The following ZNF676 variants were observed in gnomAD, a reference collection of about 807,000 sequenced individuals.
ZNF676 encodes zinc finger protein 676.
ZNF676 carries 4 observed loss-of-function variants against 6.0 expected under a neutral mutation model. The observed-to-expected ratio is 0.67, with a 90% CI of 0.33 to 1.53. The LOEUF (loss-of-function observed/expected upper bound fraction) is 1.53. Among genes scored for constraint, ZNF676 ranks in the 40% most tolerant of loss-of-function variants. The pLI, the probability that ZNF676 is intolerant of heterozygous loss-of-function variation, is 0.06. For missense variants in ZNF676, 644 were observed against 679.7 expected (o/e 0.95, Z 0.58); for synonymous variants, 198 against 223.1 (o/e 0.89, Z 1.00).
upstream of ZNF676, among the ~76,000 whole-genome samples, chr19:22,199,767 CAG>C (rs1276151555): frequency 2.6e-5 from 4 of 152,146 alleles, no homozygotes; most frequent in South Asian, 2.1e-4. Context: ...GAATAGAAAA[CAG>C]AACAGAAAAC....
At chr19:22,197,689 A>T (rs1410497447), upstream of ZNF676, among the ~76,000 whole-genome samples, 1 of 152,226 alleles carries the variant, frequency 6.6e-6, no homozygotes, top group Non-Finnish European at 1.5e-5. Context: ...GGCAGCTGTC[A>T]GATTAAATGT....
intron 1 of ZNF676, among the ~76,000 whole-genome samples, chr19:22,213,812 T>A (rs1324088697): frequency 6.6e-6 from 1 of 152,176 alleles, no homozygotes; most frequent in African/African-American, 2.4e-5. Context: ...GACACAGCCA[T>A]GGCCAGTATC....
chr19:22,209,116 T>C (rs1316393157), intron 1 of ZNF676, among the ~76,000 whole-genome samples: 1 of 151,838 alleles, frequency 6.6e-6, no homozygotes, highest in Non-Finnish European at 1.5e-5. Context: ...AATACAAAAA[T>C]TAGCTGAGTG....
At chr19:22,183,587 G>T (rs2023791556) in intron 2 of ZNF676, among the ~76,000 whole-genome samples, 1 of 152,170 alleles carries the variant, frequency 6.6e-6, no homozygotes. Flanking sequence ...TGATCCACCT[G>T]CCTTGGCCAC....
the ZNF676 span, among the ~76,000 whole-genome samples, chr19:22,252,385 A>T: frequency 3.3e-5 from 4 of 122,258 alleles, no homozygotes; most frequent in African/African-American, 1.1e-4. Flanking sequence ...ACAGAGTGAG[A>T]CTCTGTCTGA....
upstream of ZNF676, among the ~76,000 whole-genome samples, chr19:22,201,731 C>CAAAAAA (rs35526921): frequency 2.6e-5 from 2 of 76,214 alleles, no homozygotes; most frequent in East Asian, 5.2e-4. Context: ...TTTGTAAAGG[C>CAAAAAA]AAAAAAAAAA....
the ZNF676 span, among the ~76,000 whole-genome samples, chr19:22,231,740 C>A: frequency 6.7e-6 from 1 of 150,302 alleles, no homozygotes; most frequent in Admixed American, 6.6e-5. Context: ...GTAGCTGGGA[C>A]TACAGGCGCG....
At chr19:22,212,994 CA>C (rs1414641701) in intron 1 of ZNF676, among the ~76,000 whole-genome samples, 4 of 147,854 alleles carry the variant, frequency 2.7e-5, no homozygotes, top group African/African-American at 7.5e-5. Flanking sequence ...GACTCCATCT[CA>C]AAAAAAAAGA....
At chr19:22,251,846 G>C in the ZNF676 span, among the ~76,000 whole-genome samples, 75 of 151,322 alleles carry the variant, frequency 5.0e-4, 1 homozygote, top group South Asian at 8.8e-3. Context: ...TTGGAATCAG[G>C]TAGCAAACCC....
At chr19:22,241,090 G>A in the ZNF676 span, among the ~76,000 whole-genome samples, 2 of 151,908 alleles carry the variant, frequency 1.3e-5, no homozygotes, top group African/African-American at 4.9e-5. Flanking sequence ...GCCAAGGCAG[G>A]AGAATAGGTC....
chr19:22,181,096 A>C lies in ZNF676; in HGVS notation c.621T>G (p.Ser207Arg), dbSNP rs756933126. The change falls in exon 3 of 3, where the codon AGT becomes AGG. Residue 207 changes from serine (S) to arginine (R), a missense_variant. Ser to Arg is a moderately radical substitution (Grantham distance 110). Around this residue, in one of 5 missense-constraint regions of ZNF676, gnomAD observed 280 missense variants for 269.3 expected, o/e 1.04. Transcript: ENST00000397121. ...YKCEECGKAFSKFSILTKHKV... is the reference protein window; with the variant it reads ...YKCEECGKAFRKFSILTKHKV... The stretch of plus-strand genomic sequence containing the variant: ...TATGTTTAGTAAGGATTGAGAACTT[A>C]CTAAAGGCTTTGCCACATTCTTCAC... 1.3e-6 allele frequency: 2 copies of C among 1,595,388 alleles called. No individual in the cohort carries two copies. The highest frequency in any genetic ancestry group is 1.7e-6 in the Non-Finnish European group (2 of 1,170,862).
At chr19:22,256,628 A>G in the ZNF676 span, among the ~76,000 whole-genome samples, 1 of 152,132 alleles carries the variant, frequency 6.6e-6, no homozygotes. Flanking sequence ...GGACGCATGC[A>G]TGTGCCTCCT....
At chr19:22,202,295 C>T (rs1852426) in intron 1 of ZNF676, among the ~76,000 whole-genome samples, 64,346 of 151,806 alleles carry the variant, frequency 0.42, 14,449 homozygotes, top group African/African-American at 0.58. Flanking sequence ...AGAGGTAAAA[C>T]GGTTAATATC....
At chr19:22,192,751 ACT>A (rs1218949657) in intron 2 of ZNF676, among the ~76,000 whole-genome samples, 1 of 152,068 alleles carries the variant, frequency 6.6e-6, no homozygotes, top group Non-Finnish European at 1.5e-5. Flanking sequence ...GTCAGATTGC[ACT>A]CTCTTGTATG....
upstream of ZNF676, among the ~76,000 whole-genome samples, chr19:22,220,467 T>TTG (rs1239325708): frequency 0.014 from 1,775 of 125,024 alleles, 37 homozygotes; most frequent in African/African-American, 0.052. Flanking sequence ...GGCAGTTTTT[T>TTG]TTTTTTTTTT....
chr19:22,210,115 A>G (rs542960768), intron 1 of ZNF676, among the ~76,000 whole-genome samples: 1 of 152,222 alleles, frequency 6.6e-6, no homozygotes, highest in Non-Finnish European at 1.5e-5. Flanking sequence ...GCAGTGTGAC[A>G]GCCTGTGTAG....
Position 22,210,584 on chromosome 19 carries a change from T to C in ZNF676, c.3+5048A>G, listed in dbSNP as rs1430089825. On this transcript the variant is annotated intron_variant, in intron 1 of 3. Coordinates refer to the ZNF676 transcript ENST00000650058. ...ATGAAGCATATAGATAACAAACAGCTAGGATTAATAAAATTCTCTATCCTC... is the reference window on the plus strand; with the variant it reads ...ATGAAGCATATAGATAACAAACAGCCAGGATTAATAAAATTCTCTATCCTC... Among the ~76,000 whole-genome samples the C allele has an allele frequency of 5.3e-5, 8 of 152,310 alleles. No individual in the cohort carries two copies. The South Asian group carries it at 1.4e-3, about 28-fold the overall frequency.
chr19:22,204,420 T>C (rs1222602136), intron 1 of ZNF676, among the ~76,000 whole-genome samples: 3 of 152,210 alleles, frequency 2.0e-5, no homozygotes, highest in Non-Finnish European at 4.4e-5. Flanking sequence ...GTAAATATTG[T>C]GGCCTTAAAT....
chr19:22,259,849 T>A, the ZNF676 span: 1 of 152,202 alleles, frequency 6.6e-6, no homozygotes, highest in African/African-American at 2.4e-5. Context: ...ATCTCCCATG[T>A]GAGCAGAGAC....
Sources: allele counts gnomAD v4.1 joint callset (sites outside exome capture counted in the v4.1 genomes callset), GRCh38; gene constraint gnomAD v4.1.1; regional missense constraint gnomAD v4.1.1; transcripts MANE v1.5; gene names NCBI Gene and HGNC (gene_info 2026-07-23, HGNC 2026-07-21).